Variants in SEMA6D observed in about 807,000 individuals in gnomAD.
The protein encoded by SEMA6D is semaphorin 6D.
Under a neutral mutation model 106.6 loss-of-function variants are expected in SEMA6D, and 35 were observed. That is an observed-to-expected ratio of 0.33 (90% CI 0.25 to 0.44). The LOEUF is 0.44. Among genes scored for constraint, SEMA6D ranks in the 20% least tolerant of loss-of-function variants. SEMA6D has a pLI of 1.00. For missense variants in SEMA6D, 1,185 were observed against 1,345.9 expected, an observed-to-expected ratio of 0.88 and a Z score of 1.87; for synonymous variants, 499 against 487.7, an observed-to-expected ratio of 1.02 and a Z score of -0.31.
At chr15:47,531,739 A>G (rs528132714) in intron 3 of SEMA6D, among the ~76,000 whole-genome samples, 1 of 152,184 alleles carries the variant, frequency 6.6e-6, no homozygotes, top group Non-Finnish European at 1.5e-5. Context: ...GTGGGAGAGA[A>G]AGCTCTGGCT....
chr15:47,656,404 A>G (rs1407031934), intron 4 of SEMA6D, among the ~76,000 whole-genome samples: 2 of 152,228 alleles, frequency 1.3e-5, no homozygotes, highest in East Asian at 3.8e-4. Flanking sequence ...TACTGTGTAA[A>G]GTGTCCAGCG....
At chr15:47,696,082 T>G (rs1263286648) in intron 4 of SEMA6D, among the ~76,000 whole-genome samples, 1 of 152,188 alleles carries the variant, frequency 6.6e-6, no homozygotes, top group Admixed American at 6.5e-5. Context: ...ACAAAGGTCT[T>G]CTCTTCACTC....
rs527481562 is a variant in SEMA6D, at chr15:47,673,843, G to A, written c.-55+72947G>A. Among the ~76,000 whole-genome samples the A allele has an allele frequency of 4.6e-5, 7 of 152,282 alleles. No individual in the cohort carries two copies. In the East Asian group the frequency reaches 9.7e-4, roughly 21 times the overall value. ...CTTACAGGCATATCACTGTAGAAAG[G>A]CCTCTGCAGGAGGAGTAATGCTACG... On this transcript the variant is annotated intron_variant, in intron 4 of 19. Coordinates refer to the SEMA6D transcript ENST00000558014.
At chr15:47,678,668 A>G (rs575697376) in intron 4 of SEMA6D, among the ~76,000 whole-genome samples, 130 of 151,470 alleles carry the variant, frequency 8.6e-4, no homozygotes, top group African/African-American at 3.1e-3. Flanking sequence ...TTTTAAGCAC[A>G]TTTTCTATTC....
chr15:47,234,404 G>A (rs2032408501), intron 1 of SEMA6D, among the ~76,000 whole-genome samples: 1 of 151,994 alleles, frequency 6.6e-6, no homozygotes, highest in Non-Finnish European at 1.5e-5. Flanking sequence ...TGGATGAACT[G>A]TATAGTGTTG....
intron 2 of SEMA6D, among the ~76,000 whole-genome samples, chr15:47,427,939 T>A (rs1391566259): frequency 6.6e-6 from 1 of 152,094 alleles, no homozygotes; most frequent in Non-Finnish European, 1.5e-5. Context: ...ATATTCTTCT[T>A]AGGGAAAAGA....
intron 4 of SEMA6D, among the ~76,000 whole-genome samples, chr15:47,706,211 A>T (rs2078909403): frequency 6.6e-6 from 1 of 152,224 alleles, no homozygotes; most frequent in Non-Finnish European, 1.5e-5. Flanking sequence ...ATTTGACTGA[A>T]TAAAAGTATA....
At chr15:47,588,972 G>C (rs2076390121) in intron 3 of SEMA6D, among the ~76,000 whole-genome samples, 1 of 152,170 alleles carries the variant, frequency 6.6e-6, no homozygotes, top group Non-Finnish European at 1.5e-5. Flanking sequence ...AGAAGCTAAG[G>C]ATGTTGCTAA....
chr15:47,353,859 T>C (rs981408011), intron 1 of SEMA6D, among the ~76,000 whole-genome samples: 18 of 152,284 alleles, frequency 1.2e-4, no homozygotes, highest in Non-Finnish European at 2.1e-4. Flanking sequence ...GACTGTTACA[T>C]GCAGAATCTT....
chr15:47,389,429 A>G (rs1470040044), intron 1 of SEMA6D, among the ~76,000 whole-genome samples: 1 of 125,420 alleles, frequency 8.0e-6, no homozygotes, highest in Non-Finnish European at 1.9e-5. Context: ...AACTCTGGAG[A>G]AAAAAAAAAG....
intron 1 of SEMA6D, among the ~76,000 whole-genome samples, chr15:47,186,669 C>G (rs968591051): frequency 2.0e-5 from 3 of 152,098 alleles, no homozygotes; most frequent in Non-Finnish European, 4.4e-5. Context: ...CAACTTAGTA[C>G]AGGACCACAT....
chr15:47,294,663 A>G (rs1336514294), intron 1 of SEMA6D, among the ~76,000 whole-genome samples: 1 of 152,216 alleles, frequency 6.6e-6, no homozygotes, highest in Admixed American at 6.6e-5. Flanking sequence ...TGCACAGAAC[A>G]CAAAACAAAA....
At chr15:47,361,340 T>C (rs1203802112) in intron 1 of SEMA6D, among the ~76,000 whole-genome samples, 2 of 152,238 alleles carry the variant, frequency 1.3e-5, no homozygotes, top group African/African-American at 4.8e-5. Context: ...CTGATGGAGA[T>C]ATTTTGGACG....
intron 1 of SEMA6D, among the ~76,000 whole-genome samples, chr15:47,292,489 A>G (rs1330497304): frequency 6.6e-6 from 1 of 150,936 alleles, no homozygotes. Context: ...CTTTTTTTTT[A>G]TTTCAAACAG....
chr15:47,770,952 G>A lies in SEMA6D; in HGVS notation c.2389G>A (p.Gly797Ser). 1 of 1,614,038 alleles carries A rather than the reference G, an allele frequency of 6.2e-7. No individual in the cohort carries two copies. The highest frequency in any genetic ancestry group is 8.5e-7 in the Non-Finnish European group (1 of 1,179,992). ...GAAGAGCCACTCAGAAAAGGCCCAT[G>A]GCCATGGAGCTTCAAGGAAAGAAAC... ...AMKSHSEKAH[G>S]HGASRKETPQ... The change falls in exon 19 of 19, where the codon GGC becomes AGC. Residue 797 changes from glycine to serine, a missense_variant. This residue lies in a region of SEMA6D where 750 missense variants were observed against 783.5 expected (regional missense o/e 0.96). Transcript: ENST00000536845.
At chr15:47,539,031 T>C (rs2142177849) in intron 3 of SEMA6D, among the ~76,000 whole-genome samples, 1 of 152,284 alleles carries the variant, frequency 6.6e-6, no homozygotes, top group South Asian at 2.1e-4. Context: ...ATTGAGAATG[T>C]TCACACTGTG....
intron 3 of SEMA6D, among the ~76,000 whole-genome samples, chr15:47,589,521 A>G (rs572911188): frequency 3.9e-5 from 6 of 152,354 alleles, no homozygotes; most frequent in African/African-American, 1.2e-4. Flanking sequence ...CTCCTTGGCC[A>G]TGTTTCTCTT....
chr15:47,565,102 C>T (rs781437151), intron 3 of SEMA6D, among the ~76,000 whole-genome samples: 5 of 152,166 alleles, frequency 3.3e-5, no homozygotes, highest in African/African-American at 1.2e-4. Context: ...AGTTTAGGAT[C>T]AAGTACAGAT....
intron 2 of SEMA6D, among the ~76,000 whole-genome samples, chr15:47,466,890 C>CT (rs74867347): frequency 0.066 from 8,674 of 132,166 alleles, 513 homozygotes; most frequent in African/African-American, 0.16. Context: ...CCACGCCTGG[C>CT]TTTTTTTTTT....
Sources: gnomAD v4.1 joint callset for allele counts (sites outside exome capture counted in the v4.1 genomes callset) on GRCh38, gnomAD v4.1.1 for gene constraint, gnomAD v4.1.1 regional missense constraint, MANE v1.5 for transcripts, NCBI Gene and HGNC (gene_info 2026-07-23, HGNC 2026-07-21) for gene names.